The following SLC39A11 variants were observed in gnomAD, a reference collection of about 807,000 sequenced individuals.
SLC39A11 encodes the protein solute carrier family 39 member 11.
In SLC39A11, 33 loss-of-function variants were observed where a neutral mutation model predicts 36.1. The ratio of observed to expected loss-of-function variants is 0.91; its 90% confidence interval spans 0.69 to 1.22. The LOEUF (loss-of-function observed/expected upper bound fraction) is 1.22, where lower values mean the gene tolerates loss of function less well. Among genes scored for constraint, SLC39A11 ranks in the 50% most tolerant of loss-of-function variants. SLC39A11 has a pLI of 0.00. For synonymous variants in SLC39A11, 166 were observed against 170.3 expected (o/e 0.97, Z 0.20); for missense variants, 432 against 430.3 (o/e 1.00, Z -0.03).
chr17:72,774,220 C>A (rs2567534), intron 6 of SLC39A11, among the ~76,000 whole-genome samples: 2 of 151,966 alleles, frequency 1.3e-5, no homozygotes, highest in African/African-American at 2.4e-5. Context: ...GAGGAAGGCA[C>A]GGAGCAGACA....
rs202032502 is a variant in SLC39A11, at chr17:72,670,160, TACACACACACACACACACAC to T, written c.672-20912_672-20893del. Among the ~76,000 whole-genome samples, 558 of 104,632 alleles carry T rather than the reference TACACACACACACACACACAC, an allele frequency of 5.3e-3. 6 individuals carry two copies. The highest frequency in any genetic ancestry group is 0.029 in the East Asian group (93 of 3,250). 68.6% of individuals were successfully genotyped at this position (104,632 alleles called of 152,430 possible). On this transcript the variant is annotated intron_variant, in intron 7 of 9. Transcript: ENST00000255559. ...CGTATACACACACACACATTTTATA[TACACACACACACACACACAC>T]ACACACACACACACACACACACACA...
intron 4 of SLC39A11, among the ~76,000 whole-genome samples, chr17:73,006,971 G>A (rs2090221018): frequency 6.6e-6 from 1 of 152,138 alleles, no homozygotes; most frequent in African/African-American, 2.4e-5. Flanking sequence ...CAGTTTCAGG[G>A]CCCCTCCGTG....
chr17:72,874,711 A>C lies in SLC39A11; in HGVS notation c.431-24907T>G, dbSNP rs190022294. ...AGAGCGAGCCCTGAAAAATGAGCAG[A>C]AGTATCCTTGATGGAGAGGAGGAAG... On this transcript the variant is annotated intron_variant, in intron 5 of 9. Transcript: ENST00000255559. 1.6e-3 allele frequency among the ~76,000 whole-genome samples: 245 copies of C among 152,332 alleles called. 2 individuals are homozygous for C. The highest frequency in any genetic ancestry group is 2.5e-3 in the Non-Finnish European group (167 of 68,034).
intron 5 of SLC39A11, among the ~76,000 whole-genome samples, chr17:72,877,830 T>C (rs2080991097): frequency 6.6e-6 from 1 of 151,548 alleles, no homozygotes; most frequent in African/African-American, 2.4e-5. Context: ...ATTATTATTA[T>C]TATTATACTT....
intron 6 of SLC39A11, among the ~76,000 whole-genome samples, chr17:72,787,765 T>C (rs2076570512): frequency 1.3e-5 from 2 of 152,292 alleles, no homozygotes; most frequent in South Asian, 4.1e-4. Flanking sequence ...AAACTCACCT[T>C]TGTAGCCACA....
intron 4 of SLC39A11, among the ~76,000 whole-genome samples, chr17:72,951,037 G>A (rs2466513): frequency 0.28 from 42,342 of 151,304 alleles, 6,918 homozygotes; most frequent in East Asian, 0.5. Flanking sequence ...CAAGGTGGGA[G>A]GATCACTTGA....
intron 4 of SLC39A11, among the ~76,000 whole-genome samples, chr17:73,023,492 T>C (rs1036391711): frequency 6.6e-6 from 1 of 151,928 alleles, no homozygotes; most frequent in Admixed American, 6.6e-5. Context: ...TGTTGTTGTT[T>C]GTTTGTTTTG....
chr17:72,798,960 C>T (rs1180451463), intron 6 of SLC39A11, among the ~76,000 whole-genome samples: 2 of 151,490 alleles, frequency 1.3e-5, no homozygotes, highest in Non-Finnish European at 2.9e-5. Flanking sequence ...TGAGAGGGCA[C>T]AAGAAGGCCA....
intron 5 of SLC39A11, among the ~76,000 whole-genome samples, chr17:72,854,035 T>C (rs781732668): frequency 3.9e-5 from 6 of 152,092 alleles, no homozygotes; most frequent in African/African-American, 4.8e-5. Flanking sequence ...AGGGATGAAA[T>C]AGTCAATGTC....
chr17:72,726,741 C>A (rs142555494), intron 7 of SLC39A11, among the ~76,000 whole-genome samples: 1 of 152,154 alleles, frequency 6.6e-6, no homozygotes, highest in African/African-American at 2.4e-5. Flanking sequence ...AATATATCAA[C>A]ATATATATGT....
At chr17:72,740,094 T>G (rs372211219) in intron 6 of SLC39A11, among the ~76,000 whole-genome samples, 1 of 137,466 alleles carries the variant, frequency 7.3e-6, no homozygotes, top group African/African-American at 2.8e-5. Flanking sequence ...ATGGAGTCTC[T>G]CTCTGTCGCC....
intron 6 of SLC39A11, among the ~76,000 whole-genome samples, chr17:72,835,609 T>C (rs1821107): frequency 0.48 from 72,922 of 152,070 alleles, 18,778 homozygotes; most frequent in East Asian, 0.74. Flanking sequence ...TATAGGCATG[T>C]GCCACCACGC....
At chr17:72,827,645 T>C (rs556204662) in intron 6 of SLC39A11, among the ~76,000 whole-genome samples, 1 of 152,274 alleles carries the variant, frequency 6.6e-6, no homozygotes, top group African/African-American at 2.4e-5. Context: ...ATGGAAAACA[T>C]GAGTTTGATA....
intron 5 of SLC39A11, among the ~76,000 whole-genome samples, chr17:72,899,216 C>G (rs976332170): frequency 9.2e-5 from 14 of 152,000 alleles, no homozygotes; most frequent in Non-Finnish European, 1.8e-4. Context: ...CAGCAGCAAC[C>G]CCCACCCCAA....
intron 6 of SLC39A11, among the ~76,000 whole-genome samples, chr17:72,843,554 TACA>T (rs1385858609): frequency 6.6e-6 from 1 of 152,046 alleles, no homozygotes; most frequent in African/African-American, 2.4e-5. Flanking sequence ...CATGTGAGGA[TACA>T]ACGAGAAGAC....
At chr17:72,687,880 C>T (rs1418312201) in intron 7 of SLC39A11, among the ~76,000 whole-genome samples, 1 of 152,168 alleles carries the variant, frequency 6.6e-6, no homozygotes, top group South Asian at 2.1e-4. Context: ...GAAACTGAGG[C>T]TCTGTGGCAT....
chr17:72,922,960 C>CAAA (rs10645750), intron 5 of SLC39A11, among the ~76,000 whole-genome samples: 1,605 of 43,914 alleles, frequency 0.037, 91 homozygotes, highest in East Asian at 0.061. Context: ...GACTCCTTCT[C>CAAA]AAAAAAAAAA....
At chr17:72,714,894 G>A (rs565744309) in intron 7 of SLC39A11, among the ~76,000 whole-genome samples, 185 of 152,306 alleles carry the variant, frequency 1.2e-3, no homozygotes, top group African/African-American at 4.3e-3. Context: ...ATAGTGAGAG[G>A]TTCATTTGTT....
At chr17:72,997,708 C>T (rs1186096813) in intron 4 of SLC39A11, among the ~76,000 whole-genome samples, 3 of 152,232 alleles carry the variant, frequency 2.0e-5, no homozygotes, top group Non-Finnish European at 4.4e-5. Flanking sequence ...TGAAATCTCA[C>T]TCTGTCCTGC....
Sources: allele counts gnomAD v4.1 joint callset (sites outside exome capture counted in the v4.1 genomes callset), GRCh38; gene constraint gnomAD v4.1.1; transcripts MANE v1.5; gene names NCBI Gene and HGNC (gene_info 2026-07-23, HGNC 2026-07-21).